PAX7: variants seen among roughly 807,000 people sequenced by gnomAD.
PAX7 encodes the protein paired box 7.
PAX7 carries 18 observed loss-of-function variants against 50.7 expected under a neutral mutation model. The ratio of observed to expected loss-of-function variants is 0.36; its 90% CI spans 0.25 to 0.53. The LOEUF (loss-of-function observed/expected upper bound fraction) is 0.53. Among genes scored for constraint, PAX7 ranks in the 20% least tolerant of loss-of-function variants. The pLI is 0.93. For missense variants in PAX7, 644 were observed against 702.9 expected (o/e 0.92, Z 0.95); for synonymous variants, 310 against 290.4 (o/e 1.07, Z -0.69).
At chr1:18,727,371 T>TACACACACACAC (rs56258552) in intron 7 of PAX7, among the ~76,000 whole-genome samples, 15 of 134,082 alleles carry the variant, frequency 1.1e-4, no homozygotes, top group African/African-American at 3.4e-4. Flanking sequence ...CTCTCTCTCA[T>TACACACACACAC]ACACACACAC....
In PAX7 at chr1:18,673,600, T is replaced by C. The variant is rs112089290; in HGVS notation, c.587-18154T>C. Among the ~76,000 whole-genome samples the C allele has an allele frequency of 8.3e-3, 1,262 of 152,332 alleles. 24 individuals carry two copies. Among genetic ancestry groups the C allele is most frequent in the African/African-American group, 0.029 (1,200 of 41,564 alleles). ...CCCAGGGTGCGAGTAACAGATTTTA[T>C]TTTTATTGATCAAAAAAAAGTTTTT... On this transcript the variant is annotated intron_variant, in intron 4 of 8. Transcript: ENST00000420770.
At chr1:18,694,661 G>A (rs1222906418) in intron 5 of PAX7, among the ~76,000 whole-genome samples, 1 of 152,070 alleles carries the variant, frequency 6.6e-6, no homozygotes, top group African/African-American at 2.4e-5. Context: ...AAAGAGCTCA[G>A]GACTGAGAGC....
chr1:18,650,723 G>T (rs180884568), intron 4 of PAX7, among the ~76,000 whole-genome samples: 44 of 152,312 alleles, frequency 2.9e-4, no homozygotes, highest in African/African-American at 1.0e-3. Flanking sequence ...GAAGAGAATT[G>T]TTACCTGTTG....
intron 7 of PAX7, among the ~76,000 whole-genome samples, chr1:18,707,417 T>G (rs1472711267): frequency 1.6e-5 from 2 of 125,966 alleles, no homozygotes; most frequent in African/African-American, 7.7e-5. Flanking sequence ...TTTTCTTTCT[T>G]TTTTTTTTTT....
At chr1:18,638,904 G>A (rs1215547211) in intron 4 of PAX7, among the ~76,000 whole-genome samples, 2 of 152,186 alleles carry the variant, frequency 1.3e-5, no homozygotes, top group East Asian at 1.9e-4. Context: ...ATCTCCATCC[G>A]AGTAATCCAG....
At chr1:18,741,740 C>T (rs774326456) in intron 8 of PAX7, among the ~76,000 whole-genome samples, 1 of 152,236 alleles carries the variant, frequency 6.6e-6, no homozygotes, top group African/African-American at 2.4e-5. Context: ...CCTGCTTTAG[C>T]GGTGTGCCCT....
At chr1:18,649,341 A>G (rs1314956212) in intron 4 of PAX7, among the ~76,000 whole-genome samples, 4 of 152,150 alleles carry the variant, frequency 2.6e-5, no homozygotes, top group Non-Finnish European at 5.9e-5. Flanking sequence ...AATGTGACAC[A>G]TGCCTTAAAG....
chr1:18,727,340 ACTCT>A (rs368391257), intron 7 of PAX7, among the ~76,000 whole-genome samples: 73 of 141,986 alleles, frequency 5.1e-4, no homozygotes, highest in East Asian at 4.6e-4. Flanking sequence ...ACATGCACAC[ACTCT>A]CTCATCCTCT....
intron 7 of PAX7, among the ~76,000 whole-genome samples, chr1:18,727,035 C>A (rs1406760263): frequency 6.6e-6 from 1 of 152,142 alleles, no homozygotes; most frequent in Non-Finnish European, 1.5e-5. Flanking sequence ...ACACACCATG[C>A]ACACACAGTA....
At chr1:18,681,070 G>A (rs1365756656) in intron 4 of PAX7, among the ~76,000 whole-genome samples, 1 of 150,498 alleles carries the variant, frequency 6.6e-6, no homozygotes, top group Non-Finnish European at 1.5e-5. Flanking sequence ...GGAAGGCTGA[G>A]GCAGGAGAAT....
chr1:18,676,193 G>A (rs992189310), intron 4 of PAX7, among the ~76,000 whole-genome samples: 5 of 151,934 alleles, frequency 3.3e-5, no homozygotes, highest in Non-Finnish European at 5.9e-5. Flanking sequence ...TGCCATCTTC[G>A]CCTTGCTTTA....
At chr1:18,644,109 G>T (rs1444582712) in intron 4 of PAX7, among the ~76,000 whole-genome samples, 3 of 152,248 alleles carry the variant, frequency 2.0e-5, no homozygotes, top group Admixed American at 6.5e-5. Context: ...TGCGAACGCT[G>T]CGGACTGGAG....
Position 18,745,797 on chromosome 1 carries a change from A to G in PAX7, c.*868A>G, listed in dbSNP as rs951234786. 7 of 231,956 alleles carry G rather than the reference A, an allele frequency of 3.0e-5. No individual in the cohort carries two copies. Among genetic ancestry groups the G allele is most frequent in the African/African-American group, 1.5e-4 (7 of 45,258 alleles). The allele number at this position is 231,956 out of a possible 1,614,324, so 14.4% of individuals were successfully genotyped here. ...CCCACAGAACTTTTCAGTTTCCTTC[A>G]TTAGCTGAATCAGATGAGATGGGGA... On this transcript the variant is annotated 3_prime_UTR_variant, in exon 9 of 9. Transcript: ENST00000420770.
Position 18,667,450 on chromosome 1 carries a change from G to GGAAGGAGC in PAX7, c.587-24302_587-24301insAGGAGCGA, listed in dbSNP as rs1352059845. On this transcript the variant is annotated intron_variant, in intron 4 of 8. Coordinates refer to ENST00000420770, the MANE Select transcript of PAX7 (RefSeq NM_001135254.2). Reference sequence around the variant, plus strand: ...AGGAAGGAAGGAAGGAAGGAAGGAAGGAGCTTTGGTCTGCACACACCCCGG... The same window carrying GGAAGGAGC: ...AGGAAGGAAGGAAGGAAGGAAGGAAGGAAGGAGCGAGCTTTGGTCTGCACACACCCCGG... 3.7e-4 allele frequency among the ~76,000 whole-genome samples: 55 copies of GGAAGGAGC among 147,220 alleles called. 1 individual carries two copies. The highest frequency in any genetic ancestry group is 1.4e-3 in the African/African-American group (55 of 40,082).
rs554957003 is a variant in PAX7 at position 18,636,605 on chromosome 1, G to C, written c.586+234G>C. Among the ~76,000 whole-genome samples the C allele has an allele frequency of 2.8e-3, 429 of 152,332 alleles. 2 individuals are homozygous for C. The highest frequency in any genetic ancestry group is 9.9e-3 in the African/African-American group (412 of 41,580). On this transcript the variant is annotated intron_variant, in intron 4 of 8. Coordinates refer to ENST00000420770, the MANE Select transcript of PAX7 (RefSeq NM_001135254.2). This position sits in a 1 kb window ranked among gnomAD's most constrained non-coding sequence, Gnocchi z 5.1. Reference sequence around the variant, plus strand: ...CGCCTTCTTTGCGCTATGGAGGCCGGGCACGGACGGCCTGTGAGTCCCGGG... The same window carrying C: ...CGCCTTCTTTGCGCTATGGAGGCCGCGCACGGACGGCCTGTGAGTCCCGGG...
Position 18,634,836 on chromosome 1 carries a change from C to A in PAX7, c.322-275C>A, listed in dbSNP as rs551733809. Among the ~76,000 whole-genome samples the A allele has an allele frequency of 6.6e-6, 1 of 152,276 alleles. No homozygotes were observed. Among genetic ancestry groups the A allele is most frequent in the Admixed American group, 6.5e-5 (1 of 15,302 alleles). ...AGAAGACATCTTCTCTCAGTCTTTC[C>A]TGAGATAATGACGGGGACCCTGGGG... On this transcript the variant is annotated intron_variant, in intron 2 of 8. Coordinates refer to ENST00000420770, the MANE Select transcript of PAX7 (RefSeq NM_001135254.2). The surrounding 1 kb of genome is among the most constrained non-coding windows in gnomAD (Gnocchi z 4.0).
chr1:18,689,538 C>T (rs1035323827), intron 4 of PAX7, among the ~76,000 whole-genome samples: 2 of 152,116 alleles, frequency 1.3e-5, no homozygotes, highest in Non-Finnish European at 2.9e-5. Context: ...TCCATTCCTT[C>T]GCTGTGTGGC....
chr1:18,708,432 G>C (rs2089310744), intron 7 of PAX7, among the ~76,000 whole-genome samples: 1 of 152,088 alleles, frequency 6.6e-6, no homozygotes, highest in Non-Finnish European at 1.5e-5. Flanking sequence ...GGGCGAGCCT[G>C]TGGTCCCAGC....
At chr1:18,740,436 G>C (rs1336777167) in intron 8 of PAX7, among the ~76,000 whole-genome samples, 2 of 152,194 alleles carry the variant, frequency 1.3e-5, no homozygotes, top group African/African-American at 4.8e-5. Flanking sequence ...CCTCCTCCAT[G>C]TCACGCACTG....
Sources: gnomAD v4.1 joint callset for allele counts (sites outside exome capture counted in the v4.1 genomes callset) on GRCh38, gnomAD v4.1.1 for gene constraint, Gnocchi (gnomAD v3.1) non-coding constraint, MANE v1.5 for transcripts, NCBI Gene and HGNC (gene_info 2026-07-23, HGNC 2026-07-21) for gene names.